WDR86: variants seen among roughly 807,000 people sequenced by gnomAD.
WDR86 encodes WD repeat domain 86, also known as WD repeat-containing protein 86.
WDR86 carries 30 observed loss-of-function variants against 36.5 expected under a neutral mutation model. The observed-to-expected ratio is 0.82, with a 90% CI of 0.61 to 1.11. WDR86 has a LOEUF of 1.11. Ranked by LOEUF, WDR86 falls within the 50% of genes most tolerant of loss-of-function variation. The probability of loss-of-function intolerance (pLI) is 0.00; values close to 1 mark genes in which losing one functional copy is unlikely to be tolerated. For synonymous variants in WDR86, 255 were observed against 252.9 expected (o/e 1.01, Z -0.08); for missense variants, 545 against 561.2 (o/e 0.97, Z 0.29).
intron 3 of WDR86, among the ~76,000 whole-genome samples, chr7:151,389,307 G>A (rs972543454): frequency 3.9e-5 from 6 of 152,092 alleles, no homozygotes; most frequent in African/African-American, 4.8e-5. Context: ...AGGACTCTGC[G>A]AAACTGCACG....
upstream of WDR86, among the ~76,000 whole-genome samples, chr7:151,410,322 A>T (rs890605564): frequency 6.6e-6 from 1 of 151,642 alleles, no homozygotes; most frequent in African/African-American, 2.4e-5. Context: ...CGCGCCGGGA[A>T]CTCATTTGGG....
chr7:151,403,357 T>C (rs1800471886), intron 1 of WDR86, among the ~76,000 whole-genome samples: 1 of 152,206 alleles, frequency 6.6e-6, no homozygotes, highest in Admixed American at 6.5e-5. Flanking sequence ...AATTCAAACA[T>C]CCACACATTT....
At chr7:151,373,294 T>A (rs966541383), downstream of WDR86, among the ~76,000 whole-genome samples, 1 of 152,234 alleles carries the variant, frequency 6.6e-6, no homozygotes, top group African/African-American at 2.4e-5. Flanking sequence ...AATTCCTGGT[T>A]TTCAAACTTG....
At chr7:151,404,920 TGCGTGGAA>T (rs1210466736) in intron 1 of WDR86, among the ~76,000 whole-genome samples, 1 of 152,162 alleles carries the variant, frequency 6.6e-6, no homozygotes, top group Non-Finnish European at 1.5e-5. Flanking sequence ...GCCCCTGACT[TGCGTGGAA>T]GCCGTGTCTC....
Position 151,400,115 on chromosome 7 carries a change from G to A in WDR86, c.290C>T (p.Thr97Met), listed in dbSNP as rs202077868. 106 of 1,601,582 alleles carry A rather than the reference G, an allele frequency of 6.6e-5. No homozygotes were observed. The highest frequency in any genetic ancestry group is 8.7e-5 in the Non-Finnish European group (102 of 1,173,750). Residue 97 changes from threonine to methionine, a missense_variant, in exon 2 of 6, where the codon ACG (threonine) becomes ATG (methionine). By Grantham distance (81) the Thr-to-Met change is moderately conservative (BLOSUM62 -1). Coordinates refer to ENST00000334493, the MANE Select transcript of WDR86 (RefSeq NM_198285.3). Reference sequence around the variant, plus strand: ...CCAGGCTGACCTGTTCACGATGGACGTGTGTCCTCGGTACACCTGCAGACA... The same window carrying A: ...CCAGGCTGACCTGTTCACGATGGACATGTGTCCTCGGTACACCTGCAGACA... ...GQCLQVYRGHTSIVNRILVAN... is the reference protein window; with the variant it reads ...GQCLQVYRGHMSIVNRILVAN...
At chr7:151,382,025 C>T (rs777212207) in intron 4 of WDR86, 44 bp from the exon 5 acceptor site, 49 of 1,531,424 alleles carry the variant, frequency 3.2e-5, no homozygotes, top group Middle Eastern at 1.8e-4. Flanking sequence ...CCTGCTCGGC[C>T]CCCCGCAAGC....
At chr7:151,394,594 C>A (rs1799673861) in intron 3 of WDR86, among the ~76,000 whole-genome samples, 1 of 152,220 alleles carries the variant, frequency 6.6e-6, no homozygotes, top group African/African-American at 2.4e-5. Context: ...GGGATCACAC[C>A]CAACAGGTCC....
chr7:151,395,494 GAC>G (rs57122668), intron 3 of WDR86, among the ~76,000 whole-genome samples: 2,650 of 146,958 alleles, frequency 0.018, 48 homozygotes, highest in Middle Eastern at 0.054. Flanking sequence ...AAGAGATTAG[GAC>G]ACACACACAC....
chr7:151,383,148 G>C (rs1798720795), intron 4 of WDR86, among the ~76,000 whole-genome samples: 1 of 134,068 alleles, frequency 7.5e-6, no homozygotes, highest in Non-Finnish European at 1.6e-5. Context: ...ACTACACCCA[G>C]CTAATTTTAA....
At chr7:151,379,284 C>T (rs1798448772), downstream of WDR86, among the ~76,000 whole-genome samples, 1 of 152,108 alleles carries the variant, frequency 6.6e-6, no homozygotes, top group Non-Finnish European at 1.5e-5. Flanking sequence ...CAGGAGTGGG[C>T]ATGGGCGTGT....
Position 151,400,953 on chromosome 7 carries a change from A to T in WDR86, c.164-712T>A, listed in dbSNP as rs937664254. 2.4e-4 allele frequency among the ~76,000 whole-genome samples: 36 copies of T among 152,302 alleles called. 2 individuals are homozygous for T. The highest frequency in any genetic ancestry group is 1.8e-4 in the Non-Finnish European group (12 of 68,026). The stretch of plus-strand genomic sequence containing the variant: ...CTCACAGTGACCCTTTGCTCATTAC[A>T]ATAGTAAAAAACACACCCCTGGATG... On this transcript the variant is annotated intron_variant, in intron 1 of 5. Coordinates refer to ENST00000334493, the MANE Select transcript of WDR86 (RefSeq NM_198285.3).
downstream of WDR86, among the ~76,000 whole-genome samples, chr7:151,379,519 GA>G (rs888476810): frequency 6.6e-6 from 1 of 152,176 alleles, no homozygotes; most frequent in African/African-American, 2.4e-5. Context: ...GGCTGGAAGG[GA>G]ACCAGGCCTG....
intron 3 of WDR86, among the ~76,000 whole-genome samples, chr7:151,391,869 C>G (rs62490296): frequency 0.4 from 59,910 of 151,490 alleles, 13,195 homozygotes; most frequent in Non-Finnish European, 0.51. Context: ...CACCGTGAGG[C>G]TGACACCTCA....
intron 3 of WDR86, among the ~76,000 whole-genome samples, chr7:151,394,815 A>T (rs566101233): frequency 4.1e-4 from 63 of 152,316 alleles, no homozygotes; most frequent in Non-Finnish European, 7.6e-4. Flanking sequence ...TGGCTTACAG[A>T]CACACTCCTG....
rs1336088439 is a variant in WDR86, at chr7:151,406,647, G to C, written c.163+2780C>G. On this transcript the variant is annotated intron_variant, in intron 1 of 5. Transcript: ENST00000334493. The surrounding 1 kb of genome is among the most constrained non-coding windows in gnomAD (Gnocchi z 4.4). ...GTCTTCAGAAACCCTCTCTGCCATG[G>C]ACCAGCTGCGGGACCCTGGACAAGT... Among the ~76,000 whole-genome samples the C allele has an allele frequency of 1.3e-5, 2 of 152,160 alleles. No homozygotes were observed. The highest frequency in any genetic ancestry group is 2.9e-5 in the Non-Finnish European group (2 of 68,034).
At chr7:151,402,070 A>AAAAAAAAAAAAAAAAAATATATATATAT in intron 1 of WDR86, among the ~76,000 whole-genome samples, 2 of 50,556 alleles carry the variant, frequency 4.0e-5, no homozygotes, top group African/African-American at 1.2e-4. Flanking sequence ...AAAAAAAAAA[A>AAAAAAAAAAAAAAAAAATATATATATAT]ATATATATAT....
intron 3 of WDR86, among the ~76,000 whole-genome samples, chr7:151,389,079 CCAGT>C (rs1439019885): frequency 6.6e-6 from 1 of 151,800 alleles, no homozygotes; most frequent in Non-Finnish European, 1.5e-5. Flanking sequence ...TATAAATTAC[CCAGT>C]CAAAGGTATT....
In WDR86 at chr7:151,381,839, C is replaced by G. The variant is rs1798604567; in HGVS notation, c.966+39G>C. 3.8e-6 allele frequency: 6 copies of G among 1,570,288 alleles called. No homozygotes were observed. Among genetic ancestry groups the G allele is most frequent in the Non-Finnish European group, 5.2e-6 (6 of 1,158,322 alleles). Reference sequence around the variant, plus strand: ...TGGATCGGGGCGGGGCACCTTCCCTCCCACGGGCGGCGGCCCCGAGAAGGG... The same window carrying G: ...TGGATCGGGGCGGGGCACCTTCCCTGCCACGGGCGGCGGCCCCGAGAAGGG... On this transcript the variant is annotated intron_variant, in intron 5 of 5. Coordinates refer to ENST00000334493, the MANE Select transcript of WDR86 (RefSeq NM_198285.3). This position sits in a 1 kb window ranked among gnomAD's most constrained non-coding sequence, Gnocchi z 4.8.
chr7:151,383,173 C>T (rs1001767374), intron 4 of WDR86, among the ~76,000 whole-genome samples: 10 of 22,502 alleles, frequency 4.4e-4, no homozygotes, highest in South Asian at 1.6e-3. Context: ...AACGGGGCGG[C>T]GGGGTGGGGG....
Sources: allele counts gnomAD v4.1 joint callset (sites outside exome capture counted in the v4.1 genomes callset), GRCh38; gene constraint gnomAD v4.1.1; non-coding constraint Gnocchi (gnomAD v3.1); transcripts MANE v1.5; gene names NCBI Gene and HGNC (gene_info 2026-07-23, HGNC 2026-07-21).